Variants in ABCB1 observed in about 807,000 individuals in gnomAD.
ABCB1 encodes ATP binding cassette subfamily B member 1.
Under a neutral mutation model 142.0 loss-of-function variants are expected in ABCB1, and 69 were observed. The ratio of observed to expected loss-of-function variants is 0.49; its 90% CI spans 0.40 to 0.59. The LOEUF (loss-of-function observed/expected upper bound fraction) is 0.59. Ranked by LOEUF, ABCB1 falls within the 20% of genes least tolerant of loss-of-function variation. The probability of loss-of-function intolerance (pLI) is 0.00; values close to 1 mark genes in which losing one functional copy is unlikely to be tolerated. For missense variants in ABCB1, 1,326 were observed against 1,554.7 expected (o/e 0.85, Z 2.47); for synonymous variants, 532 against 539.2 (o/e 0.99, Z 0.18).
At chr7:87,511,805 C>T (rs1290099828) in intron 25 of ABCB1, among the ~76,000 whole-genome samples, 1 of 152,204 alleles carries the variant, frequency 6.6e-6, no homozygotes, top group Non-Finnish European at 1.5e-5. Context: ...GGCTCAGGCA[C>T]TTCTTGGGTT....
At chr7:87,675,701 C>G (rs907354275) in intron 1 of ABCB1, among the ~76,000 whole-genome samples, 2 of 103,166 alleles carry the variant, frequency 1.9e-5, no homozygotes, top group Non-Finnish European at 4.2e-5. Flanking sequence ...AGAAAGAAAA[C>G]AAAGAAAGAG....
At chr7:87,620,874 T>C (rs563608998) in intron 1 of ABCB1, among the ~76,000 whole-genome samples, 3 of 152,144 alleles carry the variant, frequency 2.0e-5, no homozygotes, top group Non-Finnish European at 4.4e-5. Flanking sequence ...CAAAAATGTA[T>C]AGCTTTCCTG....
At chr7:87,547,017 G>A (rs762397598) in intron 14 of ABCB1, among the ~76,000 whole-genome samples, 1 of 152,164 alleles carries the variant, frequency 6.6e-6, no homozygotes, top group Non-Finnish European at 1.5e-5. Flanking sequence ...TGGAAAAATT[G>A]AAGAGTCACG....
At chr7:87,703,432 A>G in intron 1 of ABCB1, among the ~76,000 whole-genome samples, 1 of 152,204 alleles carries the variant, frequency 6.6e-6, no homozygotes, top group Non-Finnish European at 1.5e-5. Flanking sequence ...ATGAAAGTAC[A>G]CTTTTGGATA....
rs114216403 is a variant in ABCB1 at position 87,528,874 on chromosome 7, G to A, written c.2685+2420C>T. Among the ~76,000 whole-genome samples, 366 of 152,290 alleles carry A rather than the reference G, an allele frequency of 2.4e-3. 1 individual carries two copies. Among genetic ancestry groups the A allele is most frequent in the African/African-American group, 8.3e-3 (343 of 41,570 alleles). On this transcript the variant is annotated intron_variant, in intron 21 of 27. Coordinates refer to ENST00000622132, the MANE Select transcript of ABCB1 (RefSeq NM_001348946.2). ...TAAAGTCAGCCAAGAGAAGAGCAGAGGCAATCAGCTTAAAACATTCCAGGA... is the reference window on the plus strand; with the variant it reads ...TAAAGTCAGCCAAGAGAAGAGCAGAAGCAATCAGCTTAAAACATTCCAGGA...
chr7:87,662,113 G>T (rs1209388693), intron 1 of ABCB1, among the ~76,000 whole-genome samples: 2 of 151,972 alleles, frequency 1.3e-5, no homozygotes, highest in Non-Finnish European at 2.9e-5. Context: ...GTTTTTTCCT[G>T]TAGAGTTGTT....
chr7:87,543,808 A>G (rs190974074), intron 17 of ABCB1, among the ~76,000 whole-genome samples: 4 of 152,324 alleles, frequency 2.6e-5, no homozygotes, highest in Non-Finnish European at 5.9e-5. Flanking sequence ...ACATTGGTGA[A>G]ATGAAAGTTC....
chr7:87,683,542 T>G (rs1827144991), intron 1 of ABCB1, among the ~76,000 whole-genome samples: 1 of 152,128 alleles, frequency 6.6e-6, no homozygotes. Context: ...TAGGGAGACC[T>G]GAGGAGAAAG....
At chr7:87,705,160 C>T (rs189464106) in intron 1 of ABCB1, among the ~76,000 whole-genome samples, 2 of 152,350 alleles carry the variant, frequency 1.3e-5, no homozygotes, top group Non-Finnish European at 2.9e-5. Context: ...CGTGGTGGCT[C>T]ATGCCTGTAA....
chr7:87,512,429 C>T (rs543211489), intron 25 of ABCB1, among the ~76,000 whole-genome samples: 10 of 152,252 alleles, frequency 6.6e-5, no homozygotes, highest in Admixed American at 3.3e-4. Context: ...CTTGAATAAT[C>T]CAGGCCGGCT....
intron 1 of ABCB1, among the ~76,000 whole-genome samples, chr7:87,617,745 G>A (rs779744145): frequency 1.3e-5 from 2 of 152,168 alleles, no homozygotes; most frequent in Admixed American, 1.3e-4. Flanking sequence ...GCCAGAATGA[G>A]CATTTCAAAA....
intron 1 of ABCB1, among the ~76,000 whole-genome samples, chr7:87,684,305 CT>C (rs1042677030): frequency 2.0e-5 from 3 of 152,074 alleles, no homozygotes; most frequent in African/African-American, 7.2e-5. Context: ...TTTTAGAAGG[CT>C]TTTTTTGTAG....
intron 1 of ABCB1, among the ~76,000 whole-genome samples, chr7:87,615,741 G>A (rs539454904): frequency 1.3e-5 from 2 of 152,312 alleles, no homozygotes; most frequent in South Asian, 2.1e-4. Context: ...TGTTAAAATA[G>A]CCTATTAATA....
Position 87,544,258 on chromosome 7 carries a change from T to A in ABCB1, c.2082A>T (p.Pro694=), listed in dbSNP as rs1816671971. 1 of 1,613,130 alleles carries A rather than the reference T, an allele frequency of 6.2e-7. No homozygotes were observed. The highest frequency in any genetic ancestry group is 8.5e-7 in the Non-Finnish European group (1 of 1,179,862). The change falls in exon 17 of 28, where the codon CCA becomes CCT. Residue 694 remains proline (P), a synonymous_variant. Coordinates refer to ENST00000622132, the MANE Select transcript of ABCB1 (RefSeq NM_001348946.2). Reference sequence around the variant, plus strand: ...GCTTCATAATCCTCCAAAAGGAAACTGGAGGTATACTTTCATCCTAGAAAA... The same window carrying A: ...GCTTCATAATCCTCCAAAAGGAAACAGGAGGTATACTTTCATCCTAGAAAA... ...TKEALDESIP[P]VSFWRIMKLN... is the part of the protein sequence containing the mutation.
At chr7:87,589,523 A>C (rs2129948540) in intron 3 of ABCB1, among the ~76,000 whole-genome samples, 1 of 152,216 alleles carries the variant, frequency 6.6e-6, no homozygotes, top group South Asian at 2.1e-4. Context: ...GATGGCTCAC[A>C]CCTGTAATCC....
At chr7:87,572,121 G>A (rs866771225) in intron 4 of ABCB1, among the ~76,000 whole-genome samples, 2 of 152,160 alleles carry the variant, frequency 1.3e-5, no homozygotes, top group African/African-American at 2.4e-5. Context: ...TGAATAGTCA[G>A]GTGAGGATTT....
At chr7:87,568,252 A>AATAATAATAACAATAATAATAATT (rs1286870647) in intron 5 of ABCB1, among the ~76,000 whole-genome samples, 1 of 132,728 alleles carries the variant, frequency 7.5e-6, no homozygotes, top group East Asian at 2.0e-4. Context: ...CAATAATAAT[A>AATAATAATAACAATAATAATAATT]ATAATAATAA....
At chr7:87,703,914 G>GTTTT (rs35797972) in intron 1 of ABCB1, among the ~76,000 whole-genome samples, 210 of 42,958 alleles carry the variant, frequency 4.9e-3, no homozygotes, top group Middle Eastern at 0.022. Flanking sequence ...TTTTTTTTTG[G>GTTTT]TTTTTTTTTT....
intron 1 of ABCB1, among the ~76,000 whole-genome samples, chr7:87,610,688 T>C (rs546639054): frequency 1.3e-5 from 2 of 152,298 alleles, no homozygotes; most frequent in Non-Finnish European, 2.9e-5. Flanking sequence ...TTATTCTCCA[T>C]CATCTTTGTT....
Sources: allele counts gnomAD v4.1 joint callset (sites outside exome capture counted in the v4.1 genomes callset), GRCh38; gene constraint gnomAD v4.1.1; transcripts MANE v1.5; gene names NCBI Gene and HGNC (gene_info 2026-07-23, HGNC 2026-07-21).